The following PARD3 variants were observed in gnomAD, a reference collection of about 807,000 sequenced individuals.
PARD3 encodes par-3 family cell polarity regulator.
PARD3 carries 75 observed loss-of-function variants against 155.4 expected under a neutral mutation model. That is an observed-to-expected ratio of 0.48 (90% CI 0.40 to 0.58). The LOEUF is 0.58. Ranked by LOEUF, PARD3 falls within the 20% of genes least tolerant of loss-of-function variation. The pLI, the probability that PARD3 is intolerant of heterozygous loss-of-function variation, is 0.00. For missense variants in PARD3, 1,642 were observed against 1,721.7 expected, an observed-to-expected ratio of 0.95 and a Z score of 0.82; for synonymous variants, 576 against 610.5, an observed-to-expected ratio of 0.94 and a Z score of 0.83.
intron 20 of PARD3, among the ~76,000 whole-genome samples, chr10:34,294,443 C>T (rs1483518824): frequency 6.6e-6 from 1 of 152,216 alleles, no homozygotes; most frequent in Non-Finnish European, 1.5e-5. Flanking sequence ...GCCCCAGGCT[C>T]TTTGCATAGC....
intron 3 of PARD3, among the ~76,000 whole-genome samples, chr10:34,481,927 C>G (rs774002): frequency 0.51 from 78,004 of 151,584 alleles, 23,682 homozygotes; most frequent in African/African-American, 0.86. Flanking sequence ...TAACTCCTGG[C>G]CTCAAGCAAT....
intron 15 of PARD3, chr10:34,343,918 G>A (rs1837102672): frequency 3.1e-6 from 3 of 981,172 alleles, no homozygotes; most frequent in Non-Finnish European, 3.6e-6. Context: ...TACATAGAAG[G>A]TAACACCACA....
intron 2 of PARD3, among the ~76,000 whole-genome samples, chr10:34,694,091 A>G (rs2094118833): frequency 6.6e-6 from 1 of 151,626 alleles, no homozygotes; most frequent in Non-Finnish European, 1.5e-5. Context: ...CCTCACAAGG[A>G]GTTGTGCTAT....
chr10:34,392,083 G>A (rs1472469650), intron 7 of PARD3, among the ~76,000 whole-genome samples: 1 of 152,142 alleles, frequency 6.6e-6, no homozygotes. Flanking sequence ...CTTGAGCCTG[G>A]AGATCCTGCC....
chr10:34,658,467 G>A (rs2093239737), intron 2 of PARD3, among the ~76,000 whole-genome samples: 1 of 152,130 alleles, frequency 6.6e-6, no homozygotes, highest in Non-Finnish European at 1.5e-5. Context: ...AGAACCTGAA[G>A]CTTGAAGGCG....
At chr10:34,269,600 C>A in intron 22 of PARD3, 57 bp downstream of exon 22, 2 of 1,590,520 alleles carry the variant, frequency 1.3e-6, no homozygotes, top group South Asian at 1.1e-5. Flanking sequence ...ACTCCCCTGT[C>A]AGAAGCTGTA....
intron 1 of PARD3, among the ~76,000 whole-genome samples, chr10:34,743,019 A>G (rs937217381): frequency 2.0e-5 from 3 of 152,218 alleles, no homozygotes; most frequent in East Asian, 1.9e-4. Flanking sequence ...AAGGAACGTA[A>G]TATCTAATTC....
In PARD3 at chr10:34,262,440, G is replaced by C. The variant is rs750404906; in HGVS notation, c.3419+7217C>G. Among the ~76,000 whole-genome samples the C allele has an allele frequency of 1.3e-4, 20 of 152,030 alleles. 1 individual carries two copies. Among genetic ancestry groups the C allele is most frequent in the Admixed American group, 1.2e-3 (19 of 15,258 alleles). Reference sequence around the variant, plus strand: ...TGACCACCATGCCCGGATAATTTTAGTGTTTTTAAGAGACAGCATCTCGCT... The same window carrying C: ...TGACCACCATGCCCGGATAATTTTACTGTTTTTAAGAGACAGCATCTCGCT... On this transcript the variant is annotated intron_variant, in intron 22 of 24. Coordinates refer to ENST00000374788, the MANE Select transcript of PARD3 (RefSeq NM_001184785.2).
At chr10:34,160,002 T>A (rs745892433) in intron 22 of PARD3, among the ~76,000 whole-genome samples, 1 of 152,186 alleles carries the variant, frequency 6.6e-6, no homozygotes, top group African/African-American at 2.4e-5. Context: ...GCATCAAGGG[T>A]GCATTGGAAG....
intron 2 of PARD3, among the ~76,000 whole-genome samples, chr10:34,586,969 A>G (rs2088123523): frequency 6.6e-6 from 1 of 152,162 alleles, no homozygotes; most frequent in Admixed American, 6.5e-5. Context: ...GAAGGCACTC[A>G]TGTAGGGGTG....
intron 2 of PARD3, among the ~76,000 whole-genome samples, chr10:34,555,650 C>A (rs911456454): frequency 2.6e-5 from 4 of 152,054 alleles, no homozygotes; most frequent in African/African-American, 9.7e-5. Context: ...TTTTCTTACA[C>A]CCTCAATATG....
At chr10:34,391,249 G>A (rs1842845056) in intron 7 of PARD3, among the ~76,000 whole-genome samples, 2 of 150,508 alleles carry the variant, frequency 1.3e-5, no homozygotes, top group South Asian at 4.2e-4. Flanking sequence ...GATACATGTT[G>A]GTAAATGCTA....
chr10:34,534,781 T>G (rs916048355), intron 2 of PARD3, among the ~76,000 whole-genome samples: 6 of 151,962 alleles, frequency 3.9e-5, no homozygotes, highest in African/African-American at 1.4e-4. Flanking sequence ...GAGGCCGAGG[T>G]TGGGGGATCA....
intron 12 of PARD3, among the ~76,000 whole-genome samples, chr10:34,365,545 G>C (rs1839878636): frequency 6.6e-6 from 1 of 152,124 alleles, no homozygotes; most frequent in African/African-American, 2.4e-5. Flanking sequence ...ATGTGGCTGG[G>C]ACATGATACA....
intron 22 of PARD3, among the ~76,000 whole-genome samples, chr10:34,183,576 G>A (rs1376858567): frequency 6.6e-6 from 1 of 152,146 alleles, no homozygotes; most frequent in African/African-American, 2.4e-5. Flanking sequence ...GGTGTACCAA[G>A]TGTCATGGCC....
At chr10:34,680,460 T>C (rs867059403) in intron 2 of PARD3, among the ~76,000 whole-genome samples, 5 of 151,268 alleles carry the variant, frequency 3.3e-5, no homozygotes, top group Middle Eastern at 6.8e-3. Flanking sequence ...CTCTGGAGGA[T>C]GAGGCAGGAG....
chr10:34,111,630 G>C, intron 24 of PARD3, 68 bp from the exon 25 acceptor site: 2 of 1,281,306 alleles, frequency 1.6e-6, no homozygotes, highest in Non-Finnish European at 2.2e-6. Flanking sequence ...AAAGGGGGCA[G>C]GATGGGATGG....
intron 22 of PARD3, among the ~76,000 whole-genome samples, chr10:34,160,800 T>G (rs1248151686): frequency 1.3e-5 from 2 of 152,202 alleles, no homozygotes; most frequent in Admixed American, 1.3e-4. Flanking sequence ...AAGGACAGTG[T>G]CGCCATTAAC....
chr10:34,255,397 T>C lies in PARD3; in HGVS notation c.3419+14260A>G, dbSNP rs183866802. Among the ~76,000 whole-genome samples the C allele has an allele frequency of 4.2e-3, 635 of 152,286 alleles. 3 individuals are homozygous for C. Among genetic ancestry groups the C allele is most frequent in the South Asian group, 0.022 (104 of 4,820 alleles). ...CTTCTTTAAAAATCCTAGGTAATAA[T>C]AGAATTAAAAACAAACTTGGAGTTA... On this transcript the variant is annotated intron_variant, in intron 22 of 24. Transcript: ENST00000374788.
Sources: gnomAD v4.1 joint callset for allele counts (sites outside exome capture counted in the v4.1 genomes callset) on GRCh38, gnomAD v4.1.1 for gene constraint, MANE v1.5 for transcripts, NCBI Gene and HGNC (gene_info 2026-07-23, HGNC 2026-07-21) for gene names.